PYROXD2: variants seen among roughly 807,000 people sequenced by gnomAD.
The protein encoded by PYROXD2 is pyridine nucleotide-disulfide oxidoreductase domain-containing protein 2.
A neutral mutation model predicts 71.1 loss-of-function variants in PYROXD2; 69 were observed. That is an observed-to-expected ratio of 0.97 (90% CI 0.80 to 1.19). The LOEUF is 1.19. Ranked by LOEUF, PYROXD2 falls within the 50% of genes most tolerant of loss-of-function variation. PYROXD2 has a pLI of 0.00. For missense variants in PYROXD2, 745 were observed against 748.9 expected (o/e 0.99, Z 0.06); for synonymous variants, 287 against 302.7 (o/e 0.95, Z 0.54).
intron 4 of PYROXD2, among the ~76,000 whole-genome samples, chr10:98,405,968 G>A (rs1843583268): frequency 6.6e-6 from 1 of 152,220 alleles, no homozygotes; most frequent in Admixed American, 6.5e-5. Context: ...CCCAAGATGT[G>A]ATGCTGGTAA....
intron 8 of PYROXD2, 138 bp downstream of exon 8, chr10:98,395,058 T>C (rs181523324): frequency 1.4e-6 from 1 of 721,248 alleles, no homozygotes; most frequent in Non-Finnish European, 2.5e-6. Flanking sequence ...TCGTGTGTGA[T>C]GTGCCTGGCT....
intron 4 of PYROXD2, among the ~76,000 whole-genome samples, chr10:98,405,739 C>A (rs2147901): frequency 0.37 from 56,389 of 152,038 alleles, 11,808 homozygotes; most frequent in African/African-American, 0.56. Flanking sequence ...CGCAAAGTAC[C>A]AAGAGCCAGA....
Position 98,407,596 on chromosome 10 carries a change from CAG to C in PYROXD2, c.299_300del (p.Thr100ArgfsTer63). 1 of 1,613,892 alleles carries C rather than the reference CAG, an allele frequency of 6.2e-7. No homozygotes were observed. Among genetic ancestry groups the C allele is most frequent in the Non-Finnish European group, 8.5e-7 (1 of 1,179,980 alleles). On this transcript the variant is annotated frameshift_variant, in exon 4 of 16. Transcript: ENST00000370575. LOFTEE classifies it high-confidence loss of function. ...GGGGGCCCTACCTTCAGCTCCAGAT[CAG>C]TGTAAATCTGCGGCCTCAGCAGGCT... Reference protein sequence around the residue: ...LLSLLRPQIYTDLELKKHGLR... With the variant: ...LLSLLRPQIYXDLELKKHGLR...
intron 14 of PYROXD2, among the ~76,000 whole-genome samples, chr10:98,386,589 T>C (rs1006685725): frequency 3.3e-5 from 5 of 151,980 alleles, no homozygotes; most frequent in African/African-American, 4.8e-5. Flanking sequence ...TCTCATTCTG[T>C]TGCCCAGGCT....
intron 2 of PYROXD2, among the ~76,000 whole-genome samples, chr10:98,408,225 C>G (rs1259305224): frequency 6.6e-6 from 1 of 152,192 alleles, no homozygotes; most frequent in African/African-American, 2.4e-5. Context: ...CAGGCCTGCT[C>G]CCGCCCCTCC....
chr10:98,385,106 T>A, intron 14 of PYROXD2, 39 bp from the exon 15 acceptor site: 1 of 1,610,578 alleles, frequency 6.2e-7, no homozygotes, highest in African/African-American at 1.3e-5. Context: ...ACAGGAGAGT[T>A]ACAGCCTTTC....
chr10:98,409,174 T>TAAA (rs1843707528), intron 2 of PYROXD2, among the ~76,000 whole-genome samples: 1 of 152,182 alleles, frequency 6.6e-6, no homozygotes, highest in South Asian at 2.1e-4. Flanking sequence ...GAGACTATGA[T>TAAA]AAAATGAGGC....
At chr10:98,411,041 G>C (rs75325133) in intron 1 of PYROXD2, 83 bp from the exon 2 acceptor site, 2 of 1,540,322 alleles carry the variant, frequency 1.3e-6, no homozygotes, top group Non-Finnish European at 1.8e-6. Context: ...TGTGCTCCCC[G>C]CTGCCCGTCC....
intron 12 of PYROXD2, among the ~76,000 whole-genome samples, chr10:98,390,262 G>A (rs759178058): frequency 1.1e-4 from 16 of 152,308 alleles, no homozygotes; most frequent in Admixed American, 5.2e-4. Flanking sequence ...CGGTGAGTGC[G>A]TGCTCTCTGA....
intron 5 of PYROXD2, among the ~76,000 whole-genome samples, chr10:98,397,836 T>C (rs4551689): frequency 0.41 from 62,098 of 150,360 alleles, 14,061 homozygotes; most frequent in African/African-American, 0.6. Context: ...CTGCGATAAA[T>C]CATGAAACCA....
chr10:98,386,934 G>C (rs1842772956), intron 14 of PYROXD2, among the ~76,000 whole-genome samples: 1 of 152,206 alleles, frequency 6.6e-6, no homozygotes, highest in Non-Finnish European at 1.5e-5. Flanking sequence ...GGCAGAGCCA[G>C]CATAGTTGTC....
intron 5 of PYROXD2, 143 bp from the exon 6 acceptor site, chr10:98,397,641 C>A: frequency 9.7e-7 from 1 of 1,035,414 alleles, no homozygotes; most frequent in Non-Finnish European, 1.3e-6. Flanking sequence ...CTGTTGAGCT[C>A]CCCCAGTTCC....
At chr10:98,404,357 A>C (rs1843522109) in intron 4 of PYROXD2, among the ~76,000 whole-genome samples, 1 of 152,170 alleles carries the variant, frequency 6.6e-6, no homozygotes, top group Non-Finnish European at 1.5e-5. Context: ...GGAGACTGTG[A>C]GCATACTCCA....
At chr10:98,398,073 G>C (rs536619849) in intron 5 of PYROXD2, among the ~76,000 whole-genome samples, 2 of 152,078 alleles carry the variant, frequency 1.3e-5, no homozygotes, top group South Asian at 4.2e-4. Flanking sequence ...AGTAGAGACG[G>C]AGTTTCACCA....
intron 4 of PYROXD2, among the ~76,000 whole-genome samples, chr10:98,401,273 A>ACAAAAC (rs1554879097): frequency 8.2e-6 from 1 of 121,688 alleles, no homozygotes; most frequent in Admixed American, 8.4e-5. Flanking sequence ...AAAACAAAAA[A>ACAAAAC]AAACAAACAT....
chr10:98,413,082 C>G (rs950585509), intron 1 of PYROXD2, among the ~76,000 whole-genome samples: 1 of 152,238 alleles, frequency 6.6e-6, no homozygotes, highest in Non-Finnish European at 1.5e-5. Context: ...TGCCCATGCC[C>G]TGGCAGTCAC....
chr10:98,385,119 G>A (rs976964987), intron 14 of PYROXD2, 52 bp from the exon 15 acceptor site: 1 of 1,602,306 alleles, frequency 6.2e-7, no homozygotes, highest in Non-Finnish European at 8.5e-7. Context: ...AGCCTTTCCT[G>A]CTCTGGCTGG....
chr10:98,410,376 C>G (rs1387689578), intron 2 of PYROXD2, among the ~76,000 whole-genome samples: 2 of 152,190 alleles, frequency 1.3e-5, no homozygotes, highest in East Asian at 3.8e-4. Context: ...CTGGGATATC[C>G]AGCTCAGTTT....
At chr10:98,389,604 C>T (rs1842878478) in intron 12 of PYROXD2, among the ~76,000 whole-genome samples, 1 of 152,336 alleles carries the variant, frequency 6.6e-6, no homozygotes, top group Middle Eastern at 3.4e-3. Flanking sequence ...CAGCACACTC[C>T]TGCCCCAGGG....
Sources: allele counts gnomAD v4.1 joint callset (sites outside exome capture counted in the v4.1 genomes callset), GRCh38; gene constraint gnomAD v4.1.1; transcripts MANE v1.5; gene names NCBI Gene and HGNC (gene_info 2026-07-23, HGNC 2026-07-21).